The following KATNIP variants were observed in gnomAD, a reference collection of about 807,000 sequenced individuals.
KATNIP encodes katanin interacting protein.
A neutral mutation model predicts 174.0 loss-of-function variants in KATNIP; 126 were observed. The observed-to-expected ratio is 0.72, with a 90% CI of 0.63 to 0.84. The LOEUF is 0.84. KATNIP is among the 40% of genes least tolerant of loss of function. KATNIP has a pLI of 0.00. For synonymous variants in KATNIP, 810 were observed against 835.7 expected (o/e 0.97, Z 0.53); for missense variants, 1,958 against 2,109.7 (o/e 0.93, Z 1.41).
At chr16:27,707,577 A>T (rs1033160230) in intron 12 of KATNIP, among the ~76,000 whole-genome samples, 1 of 152,264 alleles carries the variant, frequency 6.6e-6, no homozygotes, top group Admixed American at 6.5e-5. Flanking sequence ...AGGCCGAGGG[A>T]TGTCAAGTGA....
chr16:27,630,105 G>T (rs1211377402), intron 4 of KATNIP, among the ~76,000 whole-genome samples: 5 of 152,212 alleles, frequency 3.3e-5, no homozygotes, highest in Non-Finnish European at 7.3e-5. Flanking sequence ...TTTAAGGTAG[G>T]CTGCCTTGTT....
At chr16:27,649,553 C>T (rs1185275053) in intron 6 of KATNIP, among the ~76,000 whole-genome samples, 1 of 152,136 alleles carries the variant, frequency 6.6e-6, no homozygotes, top group African/African-American at 2.4e-5. Flanking sequence ...TGCATTGGTA[C>T]AATCATAGCT....
chr16:27,668,777 A>G (rs1530506), intron 6 of KATNIP, among the ~76,000 whole-genome samples: 26,657 of 152,122 alleles, frequency 0.18, 2,570 homozygotes, highest in African/African-American at 0.26. Flanking sequence ...AGTCTGAGGC[A>G]GGAGGATTGC....
intron 18 of KATNIP, 60 bp downstream of exon 18, chr16:27,754,311 G>A: frequency 7.0e-7 from 1 of 1,426,610 alleles, no homozygotes; most frequent in East Asian, 2.3e-5. Context: ...GACAGGGGGA[G>A]TTGTGGCCAC....
chr16:27,676,687 ATGTG>A (rs142495413), intron 6 of KATNIP, among the ~76,000 whole-genome samples: 1 of 149,310 alleles, frequency 6.7e-6, no homozygotes, highest in Non-Finnish European at 1.5e-5. Flanking sequence ...ATATGTGTGC[ATGTG>A]TGTGTGTGTG....
chr16:27,750,249 G>A lies in KATNIP; in HGVS notation c.3289G>A (p.Asp1097Asn). The A allele has an allele frequency of 6.2e-7, 1 of 1,614,094 alleles. No individual in the cohort carries two copies. Among genetic ancestry groups the A allele is most frequent in the Non-Finnish European group, 8.5e-7 (1 of 1,179,998 alleles). The change falls in exon 16 of 28, where the codon GAC becomes AAC. Residue 1097 changes from aspartate to asparagine, a missense_variant. Around this residue, in one of 3 missense-constraint regions of KATNIP, gnomAD observed 1,557 missense variants for 1,617.8 expected, o/e 0.96. Transcript: ENST00000261588. ...RGVKDITMLL[D>N]TQCIFEGEIA... ...CGTGAAGGACATCACAATGCTGTTA[G>A]ACACCCAGTGCATCTTTGAAGGAGA...
At chr16:27,724,768 T>C (rs1259559436) in intron 14 of KATNIP, among the ~76,000 whole-genome samples, 1 of 152,208 alleles carries the variant, frequency 6.6e-6, no homozygotes, top group East Asian at 1.9e-4. Flanking sequence ...TTAGAGGAGA[T>C]AAAATGAGAG....
chr16:27,713,703 T>C (rs868562985), intron 13 of KATNIP, among the ~76,000 whole-genome samples: 80 of 130,926 alleles, frequency 6.1e-4, no homozygotes, highest in South Asian at 1.6e-3. Flanking sequence ...TATATACACA[T>C]ACATATTATA....
In KATNIP at chr16:27,766,943, C is replaced by G. The variant is rs552455169; in HGVS notation, c.3975+469C>G. The stretch of plus-strand genomic sequence containing the variant: ...ATCCAAGGCCACACAGCTGGAGTCT[C>G]CACCTTGGCCAGCCAGACCTGGAGC... On this transcript the variant is annotated intron_variant, in intron 20 of 27. Transcript: ENST00000261588. Among the ~76,000 whole-genome samples, 16 of 152,278 alleles carry G rather than the reference C, an allele frequency of 1.1e-4. 1 individual carries two copies. Among genetic ancestry groups the G allele is most frequent in the African/African-American group, 3.6e-4 (15 of 41,562 alleles).
chr16:27,670,456 G>C (rs925886523), intron 6 of KATNIP, among the ~76,000 whole-genome samples: 2 of 152,204 alleles, frequency 1.3e-5, no homozygotes, highest in Non-Finnish European at 1.5e-5. Context: ...TTTGTCACCT[G>C]GGTGATATTT....
intron 20 of KATNIP, among the ~76,000 whole-genome samples, chr16:27,767,529 G>T (rs2082165351): frequency 6.6e-6 from 1 of 152,114 alleles, no homozygotes. Flanking sequence ...AGACCAGCCT[G>T]GGCAATACAG....
At chr16:27,586,509 C>T (rs1408719126) in intron 2 of KATNIP, among the ~76,000 whole-genome samples, 1 of 151,256 alleles carries the variant, frequency 6.6e-6, no homozygotes, top group African/African-American at 2.4e-5. Flanking sequence ...CCTTCCTCCC[C>T]ACCACCACTA....
intron 13 of KATNIP, among the ~76,000 whole-genome samples, chr16:27,719,570 G>A (rs565700083): frequency 1.8e-4 from 28 of 151,880 alleles, no homozygotes; most frequent in African/African-American, 4.6e-4. Context: ...TAGTAGAGAC[G>A]GGGTTTCACT....
intron 1 of KATNIP, among the ~76,000 whole-genome samples, chr16:27,572,471 G>GA (rs1433882296): frequency 5.9e-5 from 9 of 151,788 alleles, no homozygotes; most frequent in Admixed American, 2.6e-4. Flanking sequence ...GCCTCTGTTA[G>GA]TCTACCCCAA....
At chr16:27,731,629 T>C (rs1567362320) in intron 14 of KATNIP, among the ~76,000 whole-genome samples, 1 of 151,822 alleles carries the variant, frequency 6.6e-6, no homozygotes, top group Non-Finnish European at 1.5e-5. Flanking sequence ...CTTTTCTTTT[T>C]TTTTTTTTGA....
In KATNIP at chr16:27,761,486, C is replaced by T; in HGVS notation, c.3705C>T (p.Gly1235=). Residue 1235 remains glycine, a synonymous_variant, in exon 19 of 28, where the codon GGC becomes GGT. Coordinates refer to ENST00000261588, the MANE Select transcript of KATNIP (RefSeq NM_015202.5). ...YLGLTGLEVV[G]KEGQALPIHL... is the part of the protein sequence containing the mutation. ...GGCTCACTGGCCTGGAAGTGGTGGG[C>T]AAGGAGGGCCAGGCGCTGCCCATCC... The T allele has an allele frequency of 1.2e-6, 2 of 1,614,084 alleles. No homozygotes were observed. Among genetic ancestry groups the T allele is most frequent in the Non-Finnish European group, 1.7e-6 (2 of 1,180,000 alleles).
chr16:27,734,152 G>A (rs2080809813), intron 14 of KATNIP, among the ~76,000 whole-genome samples: 2 of 151,572 alleles, frequency 1.3e-5, no homozygotes, highest in African/African-American at 4.8e-5. Context: ...GCACAATCTC[G>A]GCTCACTGCC....
chr16:27,601,730 T>TTG (rs1404079962), intron 2 of KATNIP, among the ~76,000 whole-genome samples: 1 of 152,154 alleles, frequency 6.6e-6, no homozygotes, highest in East Asian at 1.9e-4. Context: ...TCTCTGGCCC[T>TTG]TGCCCGATGC....
At chr16:27,726,296 G>A (rs2080447531) in intron 14 of KATNIP, among the ~76,000 whole-genome samples, 1 of 152,162 alleles carries the variant, frequency 6.6e-6, no homozygotes, top group Non-Finnish European at 1.5e-5. Context: ...AGTCCCTGGT[G>A]CCCAAAAGGT....
Sources: allele counts gnomAD v4.1 joint callset (sites outside exome capture counted in the v4.1 genomes callset), GRCh38; gene constraint gnomAD v4.1.1; regional missense constraint gnomAD v4.1.1; transcripts MANE v1.5; gene names NCBI Gene and HGNC (gene_info 2026-07-23, HGNC 2026-07-21).